The following ACER3 variants were observed in gnomAD, a reference collection of about 807,000 sequenced individuals.
ACER3 encodes the protein alkCDase 3.
Under a neutral mutation model 48.9 loss-of-function variants are expected in ACER3, and 16 were observed. The observed-to-expected ratio is 0.33, with a 90% CI of 0.22 to 0.50. The LOEUF is 0.50. Ranked by LOEUF, ACER3 falls within the 20% of genes least tolerant of loss-of-function variation. The probability of loss-of-function intolerance (pLI) is 0.98; values close to 1 mark genes in which losing one functional copy is unlikely to be tolerated. For missense variants in ACER3, 227 were observed against 326.0 expected (o/e 0.70, Z 2.34); for synonymous variants, 109 against 107.8 (o/e 1.01, Z -0.07).
At chr11:76,931,218 A>C (rs900878792) in intron 2 of ACER3, among the ~76,000 whole-genome samples, 20 of 131,226 alleles carry the variant, frequency 1.5e-4, no homozygotes, top group Admixed American at 1.2e-3. Flanking sequence ...ACCATTATGT[A>C]ATGGCCTTCT....
intron 1 of ACER3, among the ~76,000 whole-genome samples, chr11:76,921,067 A>G (rs1946675097): frequency 6.6e-6 from 1 of 152,216 alleles, no homozygotes; most frequent in Non-Finnish European, 1.5e-5. Context: ...AAGCAATTAC[A>G]TATCTATTAT....
chr11:76,983,719 C>A (rs1001611367), intron 4 of ACER3, among the ~76,000 whole-genome samples: 7 of 151,888 alleles, frequency 4.6e-5, no homozygotes, highest in Non-Finnish European at 8.8e-5. Flanking sequence ...ACTTTGATAA[C>A]TTATTCATTT....
chr11:76,967,280 G>T (rs1948164537), intron 3 of ACER3, among the ~76,000 whole-genome samples: 1 of 152,164 alleles, frequency 6.6e-6, no homozygotes, highest in Non-Finnish European at 1.5e-5. Flanking sequence ...TCTCCGAATA[G>T]ACCAATAACA....
At chr11:76,863,193 C>T (rs929853553) in intron 1 of ACER3, among the ~76,000 whole-genome samples, 2 of 152,114 alleles carry the variant, frequency 1.3e-5, no homozygotes, top group Admixed American at 6.6e-5. Context: ...TGCCACTGCA[C>T]TCCAGCCTGG....
At chr11:76,987,709 G>A (rs1419108695) in intron 5 of ACER3, among the ~76,000 whole-genome samples, 3 of 152,160 alleles carry the variant, frequency 2.0e-5, no homozygotes, top group Admixed American at 2.0e-4. Flanking sequence ...AGGCCACGAT[G>A]GGAGGACTAC....
intron 1 of ACER3, among the ~76,000 whole-genome samples, chr11:76,889,358 T>G (rs138486016): frequency 6.4e-4 from 97 of 152,320 alleles, no homozygotes; most frequent in African/African-American, 2.2e-3. Flanking sequence ...ATGTGTTAAA[T>G]TTTTACAACT....
intron 7 of ACER3, 90 bp downstream of exon 7, chr11:76,998,911 AG>A (rs1948971528): frequency 2.0e-6 from 2 of 992,298 alleles, no homozygotes; most frequent in Non-Finnish European, 2.9e-6. Context: ...AACACATAAA[AG>A]CTCACTTCAG....
chr11:76,876,494 A>G (rs1385032511), intron 1 of ACER3, among the ~76,000 whole-genome samples: 1 of 152,224 alleles, frequency 6.6e-6, no homozygotes, highest in African/African-American at 2.4e-5. Flanking sequence ...GTGGACAATT[A>G]TAAGTAAAGC....
At chr11:76,874,702 A>G (rs1245828731) in intron 1 of ACER3, among the ~76,000 whole-genome samples, 2 of 152,216 alleles carry the variant, frequency 1.3e-5, no homozygotes, top group Non-Finnish European at 2.9e-5. Flanking sequence ...TTGCAGCATC[A>G]GCTCCTGCCT....
intron 4 of ACER3, 39 bp from the exon 5 acceptor site, chr11:76,985,604 T>C (rs1310217439): frequency 7.8e-7 from 1 of 1,281,312 alleles, no homozygotes. Context: ...TTCCTACTTA[T>C]ATATTCTTTT....
At chr11:76,941,899 A>C (rs943927540) in intron 2 of ACER3, among the ~76,000 whole-genome samples, 19 of 151,806 alleles carry the variant, frequency 1.3e-4, no homozygotes, top group African/African-American at 4.4e-4. Context: ...TAGGTATTTT[A>C]TTATTATTAT....
At chr11:76,916,683 G>A (rs1423868320) in intron 1 of ACER3, among the ~76,000 whole-genome samples, 1 of 152,166 alleles carries the variant, frequency 6.6e-6, no homozygotes, top group Non-Finnish European at 1.5e-5. Flanking sequence ...TTCAGATTAT[G>A]TCATTTCAAT....
At chr11:76,872,911 C>CTTTTTT (rs59654087) in intron 1 of ACER3, among the ~76,000 whole-genome samples, 153 of 68,698 alleles carry the variant, frequency 2.2e-3, no homozygotes, top group South Asian at 5.1e-3. Flanking sequence ...TTTTCTTTTT[C>CTTTTTT]TTTTTTTTTT....
chr11:76,912,347 G>A (rs978650323), intron 1 of ACER3, among the ~76,000 whole-genome samples: 5 of 152,046 alleles, frequency 3.3e-5, no homozygotes, highest in Non-Finnish European at 7.4e-5. Context: ...TTTGAACTGT[G>A]GACATCCTGA....
At chr11:76,954,050 C>T (rs1449280961) in intron 2 of ACER3, among the ~76,000 whole-genome samples, 3 of 151,548 alleles carry the variant, frequency 2.0e-5, no homozygotes, top group Admixed American at 1.3e-4. Context: ...CAGGTTCAAG[C>T]GATTCTCCTG....
At chr11:76,995,027 C>G (rs1326461637) in intron 6 of ACER3, among the ~76,000 whole-genome samples, 1 of 151,984 alleles carries the variant, frequency 6.6e-6, no homozygotes, top group Non-Finnish European at 1.5e-5. Flanking sequence ...TGCCCTAGTC[C>G]ACTGAGAAAG....
At chr11:76,970,536 A>G (rs917410371) in intron 3 of ACER3, among the ~76,000 whole-genome samples, 5 of 151,726 alleles carry the variant, frequency 3.3e-5, no homozygotes, top group South Asian at 2.1e-4. Flanking sequence ...TACAATGTAC[A>G]TGTGTGTGTG....
At chr11:76,957,636 G>T in intron 2 of ACER3, 1 of 266,036 alleles carries the variant, frequency 3.8e-6, no homozygotes, top group Non-Finnish European at 7.6e-6. Flanking sequence ...TAGAGATGGG[G>T]TTTCACCATG....
intron 6 of ACER3, among the ~76,000 whole-genome samples, chr11:76,996,644 T>G (rs755959727): frequency 2.0e-5 from 3 of 151,308 alleles, no homozygotes. Flanking sequence ...GGTCTCAAAC[T>G]CCTAACCTCA....
Sources: allele counts gnomAD v4.1 joint callset (sites outside exome capture counted in the v4.1 genomes callset), GRCh38; gene constraint gnomAD v4.1.1; transcripts MANE v1.5; gene names NCBI Gene and HGNC (gene_info 2026-07-23, HGNC 2026-07-21).